KCTD8: variants seen among roughly 807,000 people sequenced by gnomAD.
The protein encoded by KCTD8 is BTB/POZ domain-containing protein KCTD8.
In KCTD8, 27 loss-of-function variants were observed where a neutral mutation model predicts 31.5. The observed-to-expected ratio is 0.86, with a 90% CI of 0.63 to 1.18. The LOEUF is 1.18. KCTD8 is among the 50% of genes most tolerant of loss of function. The pLI, the probability that KCTD8 is intolerant of heterozygous loss-of-function variation, is 0.00. For missense variants in KCTD8, 658 were observed against 647.7 expected (o/e 1.02, Z -0.17); for synonymous variants, 290 against 280.0 (o/e 1.04, Z -0.36).
chr4:44,330,049 T>C (rs892374389), intron 1 of KCTD8, among the ~76,000 whole-genome samples: 4 of 151,764 alleles, frequency 2.6e-5, no homozygotes, highest in African/African-American at 9.7e-5. Context: ...AAAAGCCCCA[T>C]CAATTCAGAA....
intron 1 of KCTD8, among the ~76,000 whole-genome samples, chr4:44,437,323 C>T (rs1238755927): frequency 3.9e-5 from 6 of 152,048 alleles, no homozygotes; most frequent in Non-Finnish European, 8.8e-5. Flanking sequence ...AGGCAATGCA[C>T]ATATCTTACA....
intron 1 of KCTD8, among the ~76,000 whole-genome samples, chr4:44,381,255 T>C (rs777983753): frequency 6.6e-6 from 1 of 152,176 alleles, no homozygotes; most frequent in South Asian, 2.1e-4. Context: ...TAAAAATGAA[T>C]GCTTATCTCC....
At position 44,174,092 on chromosome 4, in the gene KCTD8, CA is replaced by C. The variant is rs1283143473; in HGVS notation, c.*697del. 6.6e-6 allele frequency: 1 copy of C among 152,032 alleles called. No homozygotes were observed. Among genetic ancestry groups the C allele is most frequent in the Non-Finnish European group, 1.5e-5 (1 of 67,976 alleles). 9.4% of individuals were successfully genotyped at this position (152,032 alleles called of 1,614,324 possible). A position where few individuals can be genotyped will look rare whatever the true frequency, so the allele number is the denominator to read the frequency against. On this transcript the variant is annotated 3_prime_UTR_variant, in exon 2 of 2. Coordinates refer to ENST00000360029, the MANE Select transcript of KCTD8 (RefSeq NM_198353.3). ...AAATGAATGTTGATGCCATAAATAA[CA>C]GTATAAGGCATATTTACACCATCTT... is the stretch of plus-strand genomic sequence containing the variant.
intron 1 of KCTD8, among the ~76,000 whole-genome samples, chr4:44,409,722 G>C (rs1720904744): frequency 6.6e-6 from 1 of 151,410 alleles, no homozygotes; most frequent in Admixed American, 6.6e-5. Flanking sequence ...TTAAAAAAAA[G>C]CTTTTGCATC....
At chr4:44,396,716 T>C (rs1394642679) in intron 1 of KCTD8, among the ~76,000 whole-genome samples, 1 of 152,160 alleles carries the variant, frequency 6.6e-6, no homozygotes, top group Non-Finnish European at 1.5e-5. Flanking sequence ...GTTGCATACT[T>C]AGTACCTTCA....
At chr4:44,289,078 T>C (rs1443395115) in intron 1 of KCTD8, among the ~76,000 whole-genome samples, 7 of 151,626 alleles carry the variant, frequency 4.6e-5, no homozygotes, top group Non-Finnish European at 1.0e-4. Context: ...ATCTTTAAAA[T>C]AGAGATACTA....
At chr4:44,355,334 AT>A (rs560571971) in intron 1 of KCTD8, among the ~76,000 whole-genome samples, 1,664 of 152,222 alleles carry the variant, frequency 0.011, 15 homozygotes, top group Non-Finnish European at 0.017. Context: ...TGATAAGGTC[AT>A]TTTTTCAGGA....
intron 1 of KCTD8, among the ~76,000 whole-genome samples, chr4:44,286,710 T>C (rs1717089169): frequency 6.6e-6 from 1 of 152,098 alleles, no homozygotes; most frequent in African/African-American, 2.4e-5. Context: ...GTGTTTTACA[T>C]AGGGAAGTGA....
chr4:44,303,310 G>T (rs1326229774), intron 1 of KCTD8, among the ~76,000 whole-genome samples: 1 of 151,926 alleles, frequency 6.6e-6, no homozygotes, highest in Non-Finnish European at 1.5e-5. Flanking sequence ...GTTCCTCCTT[G>T]TACCTCTGGT....
At chr4:44,221,347 A>ATGTGTG (rs35222595) in intron 1 of KCTD8, among the ~76,000 whole-genome samples, 61 of 148,278 alleles carry the variant, frequency 4.1e-4, no homozygotes, top group African/African-American at 1.2e-3. Flanking sequence ...GTGTGTGTGC[A>ATGTGTG]TGTGTGTGTG....
intron 1 of KCTD8, among the ~76,000 whole-genome samples, chr4:44,223,734 C>T (rs964789850): frequency 6.6e-6 from 1 of 152,124 alleles, no homozygotes; most frequent in Non-Finnish European, 1.5e-5. Flanking sequence ...TTCCTTTCTT[C>T]TTTGTTTCCA....
Position 44,448,515 on chromosome 4 carries a change from C to T in KCTD8, c.9G>A (p.Leu3=), listed in dbSNP as rs561527595. The change falls in exon 1 of 2, where the codon CTG becomes CTA. Residue 3 remains leucine, a synonymous_variant. Coordinates refer to ENST00000360029, the MANE Select transcript of KCTD8 (RefSeq NM_198353.3). The surrounding 1 kb of genome is among the most constrained non-coding windows in gnomAD (Gnocchi z 4.1). ...TGCTGCCGCCGCTGCCCGTGTCCTT[C>T]AGAGCCATAGTCCCCCCGCCGCCGG... MA[L]KDTGSGGSTI... The T allele has an allele frequency of 6.7e-7, 1 of 1,481,740 alleles. No homozygotes were observed. Among genetic ancestry groups the T allele is most frequent in the South Asian group, 1.4e-5 (1 of 69,976 alleles). The allele number at this position is 1,481,740 out of a possible 1,614,324, so 91.8% of individuals were successfully genotyped here.
chr4:44,355,012 C>G (rs545232027), intron 1 of KCTD8, among the ~76,000 whole-genome samples: 103 of 152,142 alleles, frequency 6.8e-4, no homozygotes, highest in Non-Finnish European at 1.2e-3. Flanking sequence ...AATAAGATAG[C>G]TTTAGCTGTC....
chr4:44,251,958 C>T (rs1370578652), intron 1 of KCTD8, among the ~76,000 whole-genome samples: 5 of 151,502 alleles, frequency 3.3e-5, no homozygotes, highest in Non-Finnish European at 4.4e-5. Flanking sequence ...CTGGTGTACC[C>T]GTCACCCAAG....
At chr4:44,342,008 A>G (rs770947818) in intron 1 of KCTD8, among the ~76,000 whole-genome samples, 13 of 152,182 alleles carry the variant, frequency 8.5e-5, no homozygotes, top group Non-Finnish European at 1.9e-4. Context: ...GGAAAACAAC[A>G]TTAATCTCTT....
chr4:44,336,987 T>C (rs1384997191), intron 1 of KCTD8, among the ~76,000 whole-genome samples: 1 of 152,054 alleles, frequency 6.6e-6, no homozygotes, highest in Non-Finnish European at 1.5e-5. Flanking sequence ...ATTTAAATGA[T>C]AAATTGGAAA....
chr4:44,385,215 A>G (rs978264953), intron 1 of KCTD8, among the ~76,000 whole-genome samples: 13 of 151,770 alleles, frequency 8.6e-5, no homozygotes, highest in Non-Finnish European at 1.5e-4. Context: ...AAAATTTAAA[A>G]AGTTCAGCCT....
intron 1 of KCTD8, among the ~76,000 whole-genome samples, chr4:44,188,211 C>T (rs966283579): frequency 7.2e-5 from 11 of 152,098 alleles, no homozygotes; most frequent in African/African-American, 1.7e-4. Flanking sequence ...ATATGAGTGC[C>T]GCTTCTTTTC....
intron 1 of KCTD8, among the ~76,000 whole-genome samples, chr4:44,419,717 G>C (rs186955469): frequency 1.3e-5 from 2 of 151,988 alleles, no homozygotes; most frequent in Admixed American, 1.3e-4. Flanking sequence ...GGGGGGCTGG[G>C]GAAGGGATAG....
Sources: gnomAD v4.1 joint callset for allele counts (sites outside exome capture counted in the v4.1 genomes callset) on GRCh38, gnomAD v4.1.1 for gene constraint, Gnocchi (gnomAD v3.1) non-coding constraint, MANE v1.5 for transcripts, NCBI Gene and HGNC (gene_info 2026-07-23, HGNC 2026-07-21) for gene names.